Variants in PPM1F observed in about 807,000 individuals in gnomAD.
PPM1F encodes the protein protein phosphatase 1F.
Under a neutral mutation model 35.5 loss-of-function variants are expected in PPM1F, and 17 were observed. The ratio of observed to expected loss-of-function variants is 0.48; its 90% CI spans 0.33 to 0.72. The LOEUF (loss-of-function observed/expected upper bound fraction) is 0.72, where lower values mean the gene tolerates loss of function less well. PPM1F is among the 30% of genes least tolerant of loss of function. The pLI, the probability that PPM1F is intolerant of heterozygous loss-of-function variation, is 0.02. For missense variants in PPM1F, 521 were observed against 613.0 expected (o/e 0.85, Z 1.59); for synonymous variants, 241 against 255.5 (o/e 0.94, Z 0.54).
chr22:21,951,750 G>A (rs2070841255), intron 1 of PPM1F: 1 of 152,224 alleles, frequency 6.6e-6, no homozygotes, highest in South Asian at 2.1e-4. Context: ...ACGCTGAGAA[G>A]TACATACTGT....
At chr22:21,925,697 G>A (rs768075933) in intron 6 of PPM1F, 35 bp from the exon 7 acceptor site, 16 of 1,507,066 alleles carry the variant, frequency 1.1e-5, no homozygotes, top group South Asian at 7.6e-5. Flanking sequence ...GGGCAGGGCC[G>A]GGGGGATGGG....
In PPM1F at chr22:21,931,244, C is replaced by G. The variant is rs116487364; in HGVS notation, c.795G>C (p.Ala265=). The G allele has an allele frequency of 6.2e-7, 1 of 1,613,810 alleles. No homozygotes were observed. The highest frequency in any genetic ancestry group is 8.5e-7 in the Non-Finnish European group (1 of 1,180,020). Residue 265 remains alanine (A), a synonymous_variant, in exon 6 of 8, where the codon GCG becomes GCC. Coordinates refer to ENST00000263212, the MANE Select transcript of PPM1F (RefSeq NM_014634.4). ...CCCCGAGCCAGGCGACGTGCAGGGTCGCTCCTGCAATGAGCGCACACACAC... is the reference window on the plus strand; with the variant it reads ...CCCCGAGCCAGGCGACGTGCAGGGTGGCTCCTGCAATGAGCGCACACACAC... ...TTGVCALIAG[A]TLHVAWLGDS...
chr22:21,944,826 C>T (rs928726831), intron 2 of PPM1F: 2 of 152,272 alleles, frequency 1.3e-5, no homozygotes, highest in Non-Finnish European at 2.9e-5. Flanking sequence ...TCAGCCTAGG[C>T]GACAGCTACA....
chr22:21,927,039 C>G (rs898256107), intron 6 of PPM1F, among the ~76,000 whole-genome samples: 1 of 152,204 alleles, frequency 6.6e-6, no homozygotes, highest in African/African-American at 2.4e-5. Flanking sequence ...TGTGTGGGAA[C>G]TGGACCAGTG....
chr22:21,936,602 C>T (rs980247889), intron 3 of PPM1F: 1 of 152,294 alleles, frequency 6.6e-6, no homozygotes, highest in South Asian at 2.1e-4. Flanking sequence ...AGGCCCTGCG[C>T]CTCCCGCCTT....
At chr22:21,927,409 G>T (rs1025108018) in intron 6 of PPM1F, among the ~76,000 whole-genome samples, 1 of 152,206 alleles carries the variant, frequency 6.6e-6, no homozygotes, top group Non-Finnish European at 1.5e-5. Flanking sequence ...GGCTGTGAGC[G>T]TGGGAGGCTC....
intron 7 of PPM1F, among the ~76,000 whole-genome samples, chr22:21,924,406 T>C (rs1198095872): frequency 2.6e-5 from 4 of 152,038 alleles, no homozygotes; most frequent in Non-Finnish European, 5.9e-5. Context: ...TAGCTGCGAT[T>C]ACAGGCAGGC....
intron 6 of PPM1F, among the ~76,000 whole-genome samples, chr22:21,927,930 GTTTTTTGTTTTGTTTTTTT>G (rs1188270340): frequency 2.1e-5 from 2 of 93,352 alleles, no homozygotes; most frequent in Non-Finnish European, 4.1e-5. Flanking sequence ...TCTTGATTCT[GTTTTTTGTTTTGTTTTTTT>G]TTTTTTTTTT....
rs1163372507 is a variant in PPM1F, at chr22:21,923,043, GAGA to G, written c.*46_*48del. 11 of 1,541,278 alleles carry G rather than the reference GAGA, an allele frequency of 7.1e-6. No individual in the cohort carries two copies. Among genetic ancestry groups the G allele is most frequent in the African/African-American group, 1.4e-5 (1 of 72,274 alleles). On this transcript the variant is annotated 3_prime_UTR_variant, in exon 8 of 8. Coordinates refer to ENST00000263212, the MANE Select transcript of PPM1F (RefSeq NM_014634.4). Reference sequence around the variant, plus strand: ...GTTGGGTCCTGAGGCTTCTGAGGGAGAGAAGGACAAGGATGGGAGGAAGGGGAG... The same window carrying G: ...GTTGGGTCCTGAGGCTTCTGAGGGAGAGGACAAGGATGGGAGGAAGGGGAG...
Position 21,945,875 on chromosome 22 carries a change from C to A in PPM1F, c.174G>T (p.Leu58=). 6.2e-7 allele frequency: 1 copy of A among 1,611,910 alleles called. No homozygotes were observed. The highest frequency in any genetic ancestry group is 2.0e-4 in the Middle Eastern group (1 of 4,930). Residue 58 remains leucine, a synonymous_variant, in exon 2 of 8, where the codon CTG becomes CTT. Transcript: ENST00000263212. ...CCAGAAAGCCCATGGCCAGCTCAGC[C>A]AGCTCGCCCTCCACCTCCTCCTGGC... ...VLSQEEVEGE[L]AELAMGFLGS...
At chr22:21,926,606 C>T (rs1345273487) in intron 6 of PPM1F, among the ~76,000 whole-genome samples, 3 of 152,138 alleles carry the variant, frequency 2.0e-5, no homozygotes, top group Admixed American at 6.5e-5. Flanking sequence ...GAGGCTGCCC[C>T]GATGAGAGCC....
intron 6 of PPM1F, among the ~76,000 whole-genome samples, chr22:21,927,953 T>TTTTTTTTG (rs2070539421): frequency 1.6e-5 from 2 of 127,030 alleles, no homozygotes; most frequent in East Asian, 5.1e-4. Flanking sequence ...TTTTTTTTTT[T>TTTTTTTTG]TTTTTTTTTT....
Position 21,939,507 on chromosome 22 carries a change from C to T in PPM1F, c.355+25G>A. ...TGTTGCCTGCTAAGCAGCCCTGGGGCCACCTCAGAAGAAACAGAACTCACA... is the reference window on the plus strand; with the variant it reads ...TGTTGCCTGCTAAGCAGCCCTGGGGTCACCTCAGAAGAAACAGAACTCACA... On this transcript the variant is annotated intron_variant, in intron 3 of 7. Coordinates refer to ENST00000263212, the MANE Select transcript of PPM1F (RefSeq NM_014634.4). This position sits in a 1 kb window ranked among gnomAD's most constrained non-coding sequence, Gnocchi z 5.1. The T allele has an allele frequency of 6.2e-7, 1 of 1,606,196 alleles. No homozygotes were observed. Among genetic ancestry groups the T allele is most frequent in the Non-Finnish European group, 8.5e-7 (1 of 1,175,810 alleles).
rs888563727 is a variant in PPM1F, at chr22:21,922,928, C to T, written c.*164G>A. 6.7e-6 allele frequency: 6 copies of T among 891,110 alleles called. No homozygotes were observed. The highest frequency in any genetic ancestry group is 2.5e-5 in the Admixed American group (1 of 40,546). The allele number at this position is 891,110 out of a possible 1,614,324, so 55.2% of individuals were successfully genotyped here. ...GCCACCCAGTGCAGTTCCACAGCCA[C>T]CAGGACGGGCTGCGGGGGGTGTCCC... On this transcript the variant is annotated 3_prime_UTR_variant, in exon 8 of 8. Transcript: ENST00000263212.
intron 3 of PPM1F, chr22:21,938,087 CG>C (rs1160683938): frequency 7.8e-7 from 1 of 1,285,874 alleles, no homozygotes; most frequent in South Asian, 1.3e-5. Flanking sequence ...CTCTGACAGA[CG>C]GGGAAGCAAG....
chr22:21,945,782 C>T (rs1412843516), intron 2 of PPM1F, 61 bp downstream of exon 2: 2 of 1,538,476 alleles, frequency 1.3e-6, no homozygotes, highest in African/African-American at 2.7e-5. Flanking sequence ...CAGCCACATC[C>T]CTTGTCGGCC....
chr22:21,929,809 A>G (rs986959770), intron 6 of PPM1F, among the ~76,000 whole-genome samples: 4 of 152,194 alleles, frequency 2.6e-5, no homozygotes, highest in African/African-American at 9.7e-5. Flanking sequence ...CCAGACCGTG[A>G]GCCGCAGTGA....
Position 21,933,975 on chromosome 22 carries a change from C to T in PPM1F, c.558+49G>A, listed in dbSNP as rs768655710. ...TCGGTACCTGGGGGGCCCCCACCCT[C>T]GCCCCGGTCCTCCGAAGCTGTCCCC... On this transcript the variant is annotated intron_variant, in intron 4 of 7. Coordinates refer to ENST00000263212, the MANE Select transcript of PPM1F (RefSeq NM_014634.4). 80 of 1,494,202 alleles carry T rather than the reference C, an allele frequency of 5.4e-5. No individual in the cohort carries two copies. The East Asian group carries it at 8.7e-4, about 16-fold the overall frequency. The allele number at this position is 1,494,202 out of a possible 1,614,324, so 92.6% of individuals were successfully genotyped here.
chr22:21,925,105 G>C (rs921560613), intron 7 of PPM1F: 1 of 199,850 alleles, frequency 5.0e-6, no homozygotes, highest in Non-Finnish European at 9.9e-6. Context: ...GGTTTCATCA[G>C]GCTGGTCTCG....
Sources: allele counts gnomAD v4.1 joint callset (sites outside exome capture counted in the v4.1 genomes callset), GRCh38; gene constraint gnomAD v4.1.1; non-coding constraint Gnocchi (gnomAD v3.1); transcripts MANE v1.5; gene names NCBI Gene and HGNC (gene_info 2026-07-23, HGNC 2026-07-21).